LY6E: variants seen among roughly 807,000 people sequenced by gnomAD.
LY6E encodes lymphocyte antigen 6 family member E.
LY6E carries 4 observed loss-of-function variants against 7.7 expected under a neutral mutation model. The ratio of observed to expected loss-of-function variants is 0.52; its 90% confidence interval spans 0.25 to 1.18. LY6E has a LOEUF of 1.18. Among genes scored for constraint, LY6E ranks in the 50% most tolerant of loss-of-function variants. The probability of loss-of-function intolerance (pLI) is 0.14; values close to 1 mark genes in which losing one functional copy is unlikely to be tolerated. For synonymous variants in LY6E, 81 were observed against 80.1 expected (o/e 1.01, Z -0.06); for missense variants, 156 against 168.0 (o/e 0.93, Z 0.40).
At chr8:143,021,254 G>A in intron 2 of LY6E, 60 bp from the exon 3 acceptor site, 1 of 1,585,616 alleles carries the variant, frequency 6.3e-7, no homozygotes, top group Non-Finnish European at 8.6e-7. Flanking sequence ...TGTCCACTGG[G>A]GTCAGGCCTG....
At chr8:143,019,582 G>A (rs1313877983) in intron 1 of LY6E, among the ~76,000 whole-genome samples, 2 of 152,220 alleles carry the variant, frequency 1.3e-5, no homozygotes, top group Non-Finnish European at 2.9e-5. Context: ...CTGGAGGCGG[G>A]GATAGGCCCC....
In LY6E at chr8:143,021,446, C is replaced by G. The variant is rs200712479; in HGVS notation, c.172+13C>G. ...AGTGCCGGCATTGGTGAGTGCCAGG[C>G]CTCAGACCGTGCCTTCCTCCCCTGG... On this transcript the variant is annotated intron_variant, in intron 3 of 3. Coordinates refer to ENST00000292494, the MANE Select transcript of LY6E (RefSeq NM_002346.3). 4.8e-5 allele frequency: 78 copies of G among 1,613,894 alleles called. No individual in the cohort carries two copies. Among genetic ancestry groups the G allele is most frequent in the Middle Eastern group, 1.6e-4 (1 of 6,062 alleles).
chr8:143,021,245 G>A (rs1188458576), intron 2 of LY6E, 69 bp from the exon 3 acceptor site: 4 of 1,570,166 alleles, frequency 2.5e-6, no homozygotes, highest in Non-Finnish European at 2.6e-6. Flanking sequence ...CTCAGTAAAT[G>A]TCCACTGGGG....
chr8:143,018,683 G>C (rs1351459296), intron 1 of LY6E, 97 bp downstream of exon 1: 1 of 151,760 alleles, frequency 6.6e-6, no homozygotes, highest in East Asian at 1.9e-4. Context: ...CCCCGGCTCA[G>C]CCACGCGCGG....
chr8:143,019,963 T>C (rs533437662), intron 1 of LY6E, among the ~76,000 whole-genome samples: 2 of 152,306 alleles, frequency 1.3e-5, no homozygotes, highest in African/African-American at 4.8e-5. Context: ...TCTGGCCCTT[T>C]CCTGCTGGTG....
intron 1 of LY6E, among the ~76,000 whole-genome samples, chr8:143,019,597 G>A (rs966806367): frequency 3.9e-5 from 6 of 152,208 alleles, no homozygotes; most frequent in African/African-American, 1.4e-4. Flanking sequence ...GGCCCCAGCC[G>A]GACTTGGCAC....
At chr8:143,020,847 G>T in intron 1 of LY6E, 36 bp from the exon 2 acceptor site, 2 of 1,210,854 alleles carry the variant, frequency 1.7e-6, no homozygotes, top group South Asian at 1.3e-5. Context: ...GAGGAGTGAG[G>T]CACCACCCGG....
chr8:143,021,892 C>G lies in LY6E; in HGVS notation c.*103C>G. ...GCCCCTGACTCCTCACGTGCCTGATCTGTGCCCTTGGTCCCAGGTCAGGCC... is the reference window on the plus strand; with the variant it reads ...GCCCCTGACTCCTCACGTGCCTGATGTGTGCCCTTGGTCCCAGGTCAGGCC... On this transcript the variant is annotated 3_prime_UTR_variant, in exon 4 of 4. Coordinates refer to ENST00000292494, the MANE Select transcript of LY6E (RefSeq NM_002346.3). 9.1e-7 allele frequency: 1 copy of G among 1,099,430 alleles called. No individual in the cohort carries two copies. 68.1% of individuals were successfully genotyped at this position (1,099,430 alleles called of 1,614,324 possible).
chr8:143,021,784 C>A lies in LY6E; in HGVS notation c.391C>A (p.Pro131Thr). 6.3e-7 allele frequency: 1 copy of A among 1,599,954 alleles called. No individual in the cohort carries two copies. The highest frequency in any genetic ancestry group is 1.1e-5 in the South Asian group (1 of 90,004). The change falls in exon 4 of 4, where the codon CCC becomes ACC. Residue 131 changes from proline (P) to threonine (T), a missense_variant. By Grantham distance (38) the Pro-to-Thr change is conservative. Coordinates refer to ENST00000292494, the MANE Select transcript of LY6E (RefSeq NM_002346.3). ...GCTGCCGGCCCTGCTGCGGTTTGGC[C>A]CCTGACCGCCCAGACCCTGTCCCCC... ...SLLPALLRFG[P>T]
chr8:143,019,152 G>C (rs1819147190), intron 1 of LY6E: 1 of 152,284 alleles, frequency 6.6e-6, no homozygotes, highest in Admixed American at 6.5e-5. Flanking sequence ...TCCCTGAGTG[G>C]ACCGCCGGGC....
Position 143,021,882 on chromosome 8 carries a change from C to A in LY6E, c.*93C>A, listed in dbSNP as rs1276292947. On this transcript the variant is annotated 3_prime_UTR_variant, in exon 4 of 4. Transcript: ENST00000292494. ...GTGTATGGGAGCCCCTGACTCCTCA[C>A]GTGCCTGATCTGTGCCCTTGGTCCC... 3 of 1,161,372 alleles carry A rather than the reference C, an allele frequency of 2.6e-6. No individual in the cohort carries two copies. The highest frequency in any genetic ancestry group is 1.5e-5 in the South Asian group (1 of 66,320). The allele number at this position is 1,161,372 out of a possible 1,614,324, so 71.9% of individuals were successfully genotyped here.
chr8:143,020,409 T>A (rs562867024), intron 1 of LY6E: 1 of 154,788 alleles, frequency 6.5e-6, no homozygotes, highest in African/African-American at 2.4e-5. Flanking sequence ...TTTTTGTATT[T>A]TTTGTAGAAA....
At position 143,022,013 on chromosome 8, in the gene LY6E, G is replaced by C; in HGVS notation, c.*224G>C. 1 of 590,146 alleles carries C rather than the reference G, an allele frequency of 1.7e-6. No individual in the cohort carries two copies. The highest frequency in any genetic ancestry group is 2.8e-5 in the East Asian group (1 of 35,750). The allele number at this position is 590,146 out of a possible 1,614,324, so 36.6% of individuals were successfully genotyped here. A position where few individuals can be genotyped will look rare whatever the true frequency, so the allele number is the denominator to read the frequency against. ...GGGTGGATGATGTGACCTTCCTTGG[G>C]GGACCGCGGAAGGGACGAGGGTTCC... On this transcript the variant is annotated 3_prime_UTR_variant, in exon 4 of 4. Coordinates refer to ENST00000292494, the MANE Select transcript of LY6E (RefSeq NM_002346.3).
Position 143,022,138 on chromosome 8 carries a change from C to T in LY6E, c.*349C>T, listed in dbSNP as rs777709631. 5.4e-5 allele frequency: 22 copies of T among 406,246 alleles called. No individual in the cohort carries two copies. The highest frequency in any genetic ancestry group is 8.8e-5 in the Non-Finnish European group (20 of 226,166). 25.2% of individuals were successfully genotyped at this position (406,246 alleles called of 1,614,324 possible). ...GTAGGGATGTGTGCCTGGCTGTGTA[C>T]GTGGGTGTGCAGTGCACGTGAGAGC... On this transcript the variant is annotated 3_prime_UTR_variant, in exon 4 of 4. Coordinates refer to ENST00000292494, the MANE Select transcript of LY6E (RefSeq NM_002346.3).
chr8:143,019,237 G>A (rs934608519), intron 1 of LY6E: 5 of 152,278 alleles, frequency 3.3e-5, no homozygotes, highest in Non-Finnish European at 7.3e-5. Context: ...CTGGCTCCCA[G>A]GGGCCAGCTT....
At chr8:143,021,465 C>G (rs201322874) in intron 3 of LY6E, 32 bp downstream of exon 3, 3 of 1,613,810 alleles carry the variant, frequency 1.9e-6, no homozygotes, top group Non-Finnish European at 2.5e-6. Flanking sequence ...GTGCCTTCCT[C>G]CCCTGGCCAT....
chr8:143,021,140 G>A, intron 2 of LY6E, 149 bp downstream of exon 2: 1 of 1,226,758 alleles, frequency 8.2e-7, no homozygotes, highest in South Asian at 1.4e-5. Flanking sequence ...CTGTCTCACT[G>A]TGTGTTTGAG....
chr8:143,021,255 G>A, intron 2 of LY6E, 59 bp from the exon 3 acceptor site: 4 of 1,586,584 alleles, frequency 2.5e-6, no homozygotes, highest in Non-Finnish European at 3.4e-6. Context: ...GTCCACTGGG[G>A]TCAGGCCTGG....
chr8:143,022,206 C>T lies in LY6E; in HGVS notation c.*417C>T. 4.6e-6 allele frequency: 1 copy of T among 216,222 alleles called. No individual in the cohort carries two copies. The highest frequency in any genetic ancestry group is 1.3e-4 in the South Asian group (1 of 7,728). 13.4% of individuals were successfully genotyped at this position (216,222 alleles called of 1,614,324 possible). A position where few individuals can be genotyped will look rare whatever the true frequency, so the allele number is the denominator to read the frequency against. On this transcript the variant is annotated 3_prime_UTR_variant, in exon 4 of 4. Coordinates refer to ENST00000292494, the MANE Select transcript of LY6E (RefSeq NM_002346.3). The stretch of plus-strand genomic sequence containing the variant: ...GGCCATGTTTGGGGAGGGAGGTGTG[C>T]CAGCAGCCTGGAGAGCCTCAGTCCC...
Sources: allele counts gnomAD v4.1 joint callset (sites outside exome capture counted in the v4.1 genomes callset), GRCh38; gene constraint gnomAD v4.1.1; transcripts MANE v1.5; gene names NCBI Gene and HGNC (gene_info 2026-07-23, HGNC 2026-07-21).